Variants in LZTFL1 observed in about 807,000 individuals in gnomAD.
LZTFL1 encodes the protein leucine zipper transcription factor like 1.
Under a neutral mutation model 45.9 loss-of-function variants are expected in LZTFL1, and 25 were observed. The ratio of observed to expected loss-of-function variants is 0.54; its 90% CI spans 0.40 to 0.76. The LOEUF is 0.76. Among genes scored for constraint, LZTFL1 ranks in the 30% least tolerant of loss-of-function variants. The pLI, the probability that LZTFL1 is intolerant of heterozygous loss-of-function variation, is 0.00. For missense variants in LZTFL1, 277 were observed against 331.1 expected (o/e 0.84, Z 1.27); for synonymous variants, 93 against 117.4 (o/e 0.79, Z 1.35).
intron 2 of LZTFL1, among the ~76,000 whole-genome samples, chr3:45,890,308 T>TATATATATAAATATATAACATAA (rs1559421504): frequency 1.3e-5 from 1 of 77,364 alleles, no homozygotes; most frequent in African/African-American, 1.4e-4. Flanking sequence ...ATATAACATA[T>TATATATATAAATATATAACATAA]ATATATATTT....
At chr3:45,894,931 A>G in intron 2 of LZTFL1, 1 of 1,614,070 alleles carries the variant, frequency 6.2e-7, no homozygotes, top group Non-Finnish European at 8.5e-7. Flanking sequence ...TGACTGACCC[A>G]CCATGACACC....
intron 3 of LZTFL1, among the ~76,000 whole-genome samples, chr3:45,857,471 C>T (rs1003305965): frequency 2.6e-5 from 4 of 151,808 alleles, no homozygotes; most frequent in African/African-American, 7.3e-5. Flanking sequence ...CCATGGCACA[C>T]GTTTACTTGT....
intron 2 of LZTFL1, among the ~76,000 whole-genome samples, chr3:45,912,125 A>C (rs1262482001): frequency 2.0e-5 from 3 of 152,226 alleles, no homozygotes; most frequent in Non-Finnish European, 2.9e-5. Flanking sequence ...ATACTGCTTC[A>C]ATCCAACCCA....
At chr3:45,864,949 C>T (rs1291871598) in intron 2 of LZTFL1, among the ~76,000 whole-genome samples, 1 of 152,190 alleles carries the variant, frequency 6.6e-6, no homozygotes, top group East Asian at 1.9e-4. Context: ...TGAGCTTCCT[C>T]ACCACCAAGT....
At chr3:45,895,975 G>A (rs1702343454) in intron 2 of LZTFL1, among the ~76,000 whole-genome samples, 1 of 152,198 alleles carries the variant, frequency 6.6e-6, no homozygotes, top group Non-Finnish European at 1.5e-5. Flanking sequence ...GGGTTTCCAT[G>A]ATCTATGGAG....
chr3:45,888,921 A>G (rs1702063408), intron 2 of LZTFL1, among the ~76,000 whole-genome samples: 1 of 152,222 alleles, frequency 6.6e-6, no homozygotes, highest in South Asian at 2.1e-4. Context: ...AAGCAGATGC[A>G]TATTTTATAA....
chr3:45,834,163 CT>C, intron 4 of LZTFL1, 74 bp downstream of exon 4: 3 of 822,906 alleles, frequency 3.6e-6, no homozygotes, highest in Non-Finnish European at 5.9e-6. Flanking sequence ...GTTTTGATCT[CT>C]GAATTCTTTG....
intron 4 of LZTFL1, among the ~76,000 whole-genome samples, chr3:45,848,772 T>A (rs1186795769): frequency 6.6e-6 from 1 of 152,242 alleles, no homozygotes; most frequent in African/African-American, 2.4e-5. Context: ...TTGATAAATT[T>A]TATATTTTTG....
At chr3:45,846,480 C>T (rs1351615862), upstream of LZTFL1, among the ~76,000 whole-genome samples, 1 of 152,148 alleles carries the variant, frequency 6.6e-6, no homozygotes, top group Non-Finnish European at 1.5e-5. Flanking sequence ...AGTCAAAAAT[C>T]CACATATAAC....
rs536588557 is a variant in LZTFL1, at chr3:45,834,282, C to T, written c.340G>A (p.Val114Ile). 6.3e-6 allele frequency: 10 copies of T among 1,591,690 alleles called. No homozygotes were observed. In the South Asian group the frequency reaches 8.9e-5, roughly 14 times the overall value. ...ELENRELLEQ[V>I]AEFEKAEITS... is the part of the protein sequence containing the mutation. ...ATCTCTGCTTTTTCAAATTCTGCAA[C>T]TTGTTCTAATAATTCTCTTGAAGAA... Residue 114 changes from valine to isoleucine, a missense_variant, in exon 4 of 10, where the codon GTT (valine) becomes ATT (isoleucine). By Grantham distance (29) the Val-to-Ile change is conservative. Transcript: ENST00000296135.
At chr3:45,889,361 A>G (rs1169317234) in intron 2 of LZTFL1, among the ~76,000 whole-genome samples, 2 of 152,214 alleles carry the variant, frequency 1.3e-5, no homozygotes, top group Admixed American at 1.3e-4. Flanking sequence ...TTAGTTGCAT[A>G]AAGTAGCCTC....
intron 2 of LZTFL1, among the ~76,000 whole-genome samples, chr3:45,837,116 T>C (rs996341364): frequency 1.3e-5 from 2 of 152,254 alleles, no homozygotes; most frequent in African/African-American, 4.8e-5. Context: ...ATTTGTTTTA[T>C]AATTCTTTAA....
chr3:45,836,577 A>G (rs1019485087), intron 2 of LZTFL1, among the ~76,000 whole-genome samples: 1 of 152,114 alleles, frequency 6.6e-6, no homozygotes, highest in Admixed American at 6.6e-5. Flanking sequence ...ATCGCTTGTA[A>G]CCAGAAGGTG....
At chr3:45,892,411 C>T (rs569807938) in intron 2 of LZTFL1, among the ~76,000 whole-genome samples, 5 of 152,196 alleles carry the variant, frequency 3.3e-5, no homozygotes, top group Non-Finnish European at 7.4e-5. Flanking sequence ...TCCTTTGAAG[C>T]AACATGGATG....
At chr3:45,906,097 C>T (rs1324343305) in intron 2 of LZTFL1, among the ~76,000 whole-genome samples, 1 of 152,168 alleles carries the variant, frequency 6.6e-6, no homozygotes, top group African/African-American at 2.4e-5. Context: ...ACAATTTTCT[C>T]ACCAGGGGCT....
intron 2 of LZTFL1, among the ~76,000 whole-genome samples, chr3:45,879,386 C>G (rs1034483231): frequency 8.5e-5 from 13 of 152,148 alleles, no homozygotes; most frequent in African/African-American, 3.1e-4. Flanking sequence ...AAATCCATAT[C>G]AGTAAGTGAG....
At chr3:45,828,702 T>A in intron 7 of LZTFL1, 87 bp from the exon 8 acceptor site, 2 of 1,161,880 alleles carry the variant, frequency 1.7e-6, no homozygotes, top group African/African-American at 1.5e-5. Flanking sequence ...TCATAGGAGA[T>A]GAAAAAAATG....
At position 45,897,309 on chromosome 3, in the gene LZTFL1, T is replaced by A. The variant is rs563325440; in HGVS notation, c.-215+15811A>T. Reference sequence around the variant, plus strand: ...ATAAATCTAGATTTGGGGTGTAAAATTCAATCACTTAAAAAATATGCCTGG... The same window carrying A: ...ATAAATCTAGATTTGGGGTGTAAAAATCAATCACTTAAAAAATATGCCTGG... On this transcript the variant is annotated intron_variant, in intron 2 of 4. Transcript: ENST00000472635. Among the ~76,000 whole-genome samples, 4 of 152,248 alleles carry A rather than the reference T, an allele frequency of 2.6e-5. No homozygotes were observed. In the East Asian group the frequency reaches 7.7e-4, roughly 29 times the overall value.
chr3:45,891,201 G>A (rs1702169893), intron 2 of LZTFL1, among the ~76,000 whole-genome samples: 2 of 152,218 alleles, frequency 1.3e-5, no homozygotes, highest in South Asian at 4.1e-4. Context: ...GTAAGGTCAC[G>A]GCCGGAGGCT....
Sources: allele counts gnomAD v4.1 joint callset (sites outside exome capture counted in the v4.1 genomes callset), GRCh38; gene constraint gnomAD v4.1.1; transcripts MANE v1.5; gene names NCBI Gene and HGNC (gene_info 2026-07-23, HGNC 2026-07-21).